Variants in KIF20A observed in about 807,000 individuals in gnomAD.
KIF20A encodes the protein kinesin family member 20A.
Under a neutral mutation model 113.0 loss-of-function variants are expected in KIF20A, and 66 were observed. That is an observed-to-expected ratio of 0.58 (90% CI 0.48 to 0.72). The LOEUF (loss-of-function observed/expected upper bound fraction) is 0.72, where lower values mean the gene tolerates loss of function less well. Ranked by LOEUF, KIF20A falls within the 30% of genes least tolerant of loss-of-function variation. The probability of loss-of-function intolerance (pLI) is 0.00; values close to 1 mark genes in which losing one functional copy is unlikely to be tolerated. For synonymous variants in KIF20A, 376 were observed against 402.3 expected, an observed-to-expected ratio of 0.93 and a Z score of 0.78; for missense variants, 927 against 1,077.6, an observed-to-expected ratio of 0.86 and a Z score of 1.96.
rs1178464321 is a variant in KIF20A at position 138,183,560 on chromosome 5, T to A, written c.1118T>A (p.Leu373His). The change falls in exon 9 of 19, where the codon CTC becomes CAC. Residue 373 changes from leucine to histidine, a missense_variant. Leu to His is a moderately conservative substitution (Grantham distance 99, BLOSUM62 -3). Coordinates refer to ENST00000394894, the MANE Select transcript of KIF20A (RefSeq NM_005733.3). The surrounding 1 kb of genome is among the most constrained non-coding windows in gnomAD (Gnocchi z 5.2). ...RKNQSFASTH[L>H]NQNSSRSHSI... ...AACCAGAGCTTTGCCAGCACCCACC[T>A]CAACCAGAACTCCAGCCGCAGGTGA... The A allele has an allele frequency of 6.2e-7, 1 of 1,614,064 alleles. No homozygotes were observed. Among genetic ancestry groups the A allele is most frequent in the Non-Finnish European group, 8.5e-7 (1 of 1,180,000 alleles).
rs1406431203 is a variant in KIF20A, at chr5:138,182,764, C to T, written c.693C>T (p.Gly231=). 1.2e-6 allele frequency: 2 copies of T among 1,613,520 alleles called. No individual in the cohort carries two copies. The highest frequency in any genetic ancestry group is 1.7e-6 in the Non-Finnish European group (2 of 1,180,004). Residue 231 remains glycine, a synonymous_variant, in exon 6 of 19, where the codon GGC becomes GGT. Coordinates refer to ENST00000394894, the MANE Select transcript of KIF20A (RefSeq NM_005733.3). ...AGAAGCTGTCCCTGCTAAATGGAGGCCTCCAAGAGGTAAAGCATTGGTATC... is the reference window on the plus strand; with the variant it reads ...AGAAGCTGTCCCTGCTAAATGGAGGTCTCCAAGAGGTAAAGCATTGGTATC... ...EMKKLSLLNG[G]LQEEELSTSL...
In KIF20A at chr5:138,185,557, G is replaced by T. The variant is rs546375210; in HGVS notation, c.1972G>T (p.Ala658Ser). ...AGAGCTAGAAGCTCTCTTGCAGGAA[G>T]CCAGACAACAGTCAGTGGCCCATCA... ...IEELEALLQE[A>S]RQQSVAHQQS... is the part of the protein sequence containing the mutation. Residue 658 changes from alanine (A) to serine (S), a missense_variant, in exon 16 of 19, where the codon GCC (alanine) becomes TCC (serine). Coordinates refer to ENST00000394894, the MANE Select transcript of KIF20A (RefSeq NM_005733.3). 42 of 1,614,016 alleles carry T rather than the reference G, an allele frequency of 2.6e-5. No homozygotes were observed. In the South Asian group the frequency reaches 4.2e-4, roughly 16 times the overall value.
Position 138,186,543 on chromosome 5 carries a change from G to A in KIF20A, c.2355+112G>A, listed in dbSNP as rs146430092. The A allele has an allele frequency of 8.4e-4, 964 of 1,154,442 alleles. 5 individuals are homozygous for A. In the African/African-American group the frequency reaches 0.013, roughly 15 times the overall value. 71.5% of individuals were successfully genotyped at this position (1,154,442 alleles called of 1,614,324 possible). The stretch of plus-strand genomic sequence containing the variant: ...TAAAGATTTTTAGGCTGAATTTATA[G>A]TGAGAGCAGTATATTTGCAAAATAA... On this transcript the variant is annotated intron_variant, in intron 18 of 18. Transcript: ENST00000394894.
At chr5:138,186,165 AGAGTG>A in intron 17 of KIF20A, 113 bp downstream of exon 17, 1 of 1,477,912 alleles carries the variant, frequency 6.8e-7, no homozygotes, top group South Asian at 1.2e-5. Context: ...ACAGTTCTGG[AGAGTG>A]GCTATTTCAC....
At position 138,182,380 on chromosome 5, in the gene KIF20A, G is replaced by T. The variant is rs1754673546; in HGVS notation, c.433G>T (p.Val145Leu). The T allele has an allele frequency of 6.2e-7, 1 of 1,614,040 alleles. No individual in the cohort carries two copies. The highest frequency in any genetic ancestry group is 1.7e-5 in the Admixed American group (1 of 60,004). The change falls in exon 5 of 19, where the codon GTA becomes TTA. Residue 145 changes from valine (V) to leucine (L), a missense_variant. By Grantham distance (32) the Val-to-Leu change is conservative. Transcript: ENST00000394894. Reference sequence around the variant, plus strand: ...CTTCAACCTAACTGTGAAGGAGATGGTAAAGGATGTACTCAAAGGGCAGAA... The same window carrying T: ...CTTCAACCTAACTGTGAAGGAGATGTTAAAGGATGTACTCAAAGGGCAGAA... ...SFFNLTVKEM[V>L]KDVLKGQNWL...
intron 2 of KIF20A, among the ~76,000 whole-genome samples, chr5:138,180,862 A>G (rs966240365): frequency 3.3e-5 from 5 of 152,068 alleles, no homozygotes; most frequent in African/African-American, 1.2e-4. Flanking sequence ...TTTTTAGTAG[A>G]GATGGGGTTT....
At chr5:138,184,462 C>T (rs1248195062) in intron 12 of KIF20A, 50 bp from the exon 13 acceptor site, 2 of 1,611,214 alleles carry the variant, frequency 1.2e-6, no homozygotes, top group African/African-American at 2.7e-5. Context: ...TCTAAGAAAG[C>T]TCCTAGGGAC....
Position 138,183,764 on chromosome 5 carries a change from TATCC to T in KIF20A, c.1208+11_1208+14del, listed in dbSNP as rs760151940. The T allele has an allele frequency of 1.2e-5, 20 of 1,612,216 alleles. No homozygotes were observed. In the South Asian group the frequency reaches 2.1e-4, roughly 17 times the overall value. On this transcript the variant is annotated intron_variant, in intron 10 of 18. Transcript: ENST00000394894. This position sits in a 1 kb window ranked among gnomAD's most constrained non-coding sequence, Gnocchi z 5.2. Reference sequence around the variant, plus strand: ...AGTCCCCAAGATCAGCGAGTAAGTTTATCCATTTAGAAATTTGGGCTTCTTGGCC... The same window carrying T: ...AGTCCCCAAGATCAGCGAGTAAGTTTATTTAGAAATTTGGGCTTCTTGGCC...
rs781453282 is a variant in KIF20A, at chr5:138,184,087, G to A, written c.1334G>A (p.Arg445His). ...HTLGRCIAAL[R>H]QNQQNRSKQN... ...CTGGGCCGCTGTATTGCTGCCCTTC[G>A]TCAAAACCAGCAGAACCGGTGAGCT... The change falls in exon 11 of 19, where the codon CGT becomes CAT. Residue 445 changes from arginine (R) to histidine (H), a missense_variant. By Grantham distance (29) the Arg-to-His change is conservative. Coordinates refer to ENST00000394894, the MANE Select transcript of KIF20A (RefSeq NM_005733.3). 9.9e-6 allele frequency: 16 copies of A among 1,614,120 alleles called. No individual in the cohort carries two copies. The highest frequency in any genetic ancestry group is 1.3e-5 in the African/African-American group (1 of 75,018).
Position 138,183,448 on chromosome 5 carries a change from C to T in KIF20A, c.1028-22C>T. On this transcript the variant is annotated intron_variant, in intron 8 of 18. Transcript: ENST00000394894. This position sits in a 1 kb window ranked among gnomAD's most constrained non-coding sequence, Gnocchi z 5.2. ...AAAAGAGTTGGATGTTCCCATCTTACACCCCTCTCCTTTGGCCCCAGATCT... is the reference window on the plus strand; with the variant it reads ...AAAAGAGTTGGATGTTCCCATCTTATACCCCTCTCCTTTGGCCCCAGATCT... The T allele has an allele frequency of 6.2e-7, 1 of 1,611,592 alleles. No homozygotes were observed. The highest frequency in any genetic ancestry group is 8.5e-7 in the Non-Finnish European group (1 of 1,177,732).
chr5:138,185,239 C>A (rs1269951565), intron 15 of KIF20A, 42 bp downstream of exon 15: 1 of 1,311,446 alleles, frequency 7.6e-7, no homozygotes, highest in Non-Finnish European at 1.1e-6. Flanking sequence ...GCTCAGATTT[C>A]CATCACTAGC....
At position 138,183,593 on chromosome 5, in the gene KIF20A, G is replaced by T. The variant is rs774886028; in HGVS notation, c.1139+12G>T. 2.5e-6 allele frequency: 4 copies of T among 1,611,816 alleles called. No homozygotes were observed. The highest frequency in any genetic ancestry group is 2.2e-5 in the East Asian group (1 of 44,876). ...AACTCCAGCCGCAGGTGAGTAGATT[G>T]TAAGAATAAACTCTTCACTGTGTTC... On this transcript the variant is annotated intron_variant, in intron 9 of 18. Transcript: ENST00000394894. The surrounding 1 kb of genome is among the most constrained non-coding windows in gnomAD (Gnocchi z 5.2).
Position 138,181,444 on chromosome 5 carries a change from AG to A in KIF20A, c.189del (p.Lys64ArgfsTer2). 1.2e-6 allele frequency: 2 copies of A among 1,614,214 alleles called. No individual in the cohort carries two copies. Among genetic ancestry groups the A allele is most frequent in the Non-Finnish European group, 1.7e-6 (2 of 1,180,018 alleles). ...CAGGTTCCATCTGAGGACAGTATGGAGAAGGTGAAAGTATACTTGAGGGTTA... is the reference window on the plus strand; with the variant it reads ...CAGGTTCCATCTGAGGACAGTATGGAAAGGTGAAAGTATACTTGAGGGTTA... ...KQQVPSEDSMEKVKVYLRVRP... is the reference protein window; with the variant it reads ...KQQVPSEDSMXKVKVYLRVRP... On this transcript the variant is annotated frameshift_variant, in exon 3 of 19. Transcript: ENST00000394894. LOFTEE classifies it high-confidence loss of function.
At position 138,185,596 on chromosome 5, in the gene KIF20A, G is replaced by T. The variant is rs1754731160; in HGVS notation, c.2011G>T (p.Glu671Ter). The stretch of plus-strand genomic sequence containing the variant: ...AGTGGCCCATCAGCAATCAGGGTCT[G>T]AATTGGCCCTACGGCGGTCACAAAG... The part of the protein sequence containing the change: ...QSVAHQQSGS[E>*]LALRRSQRLA... The change falls in exon 16 of 19, where the codon GAA becomes TAA. Residue 671 changes from glutamate to a stop codon, truncating the protein, a stop_gained. Coordinates refer to ENST00000394894, the MANE Select transcript of KIF20A (RefSeq NM_005733.3). LOFTEE classifies it high-confidence loss of function. 1.9e-6 allele frequency: 3 copies of T among 1,614,216 alleles called. No homozygotes were observed. Among genetic ancestry groups the T allele is most frequent in the Middle Eastern group, 1.7e-4 (1 of 6,034 alleles).
Position 138,183,975 on chromosome 5 carries a change from G to C in KIF20A, c.1222G>C (p.Asp408His). 1 of 1,614,166 alleles carries C rather than the reference G, an allele frequency of 6.2e-7. No individual in the cohort carries two copies. Among genetic ancestry groups the C allele is most frequent in the Non-Finnish European group, 8.5e-7 (1 of 1,180,032 alleles). Residue 408 changes from aspartate (D) to histidine (H), a missense_variant, in exon 11 of 19, where the codon GAT becomes CAT. Transcript: ENST00000394894. The surrounding 1 kb of genome is among the most constrained non-coding windows in gnomAD (Gnocchi z 5.2). ...GCATCATTCTAGGCTGTCACTCTGT[G>C]ATCTGGCTGGCTCAGAGCGCTGCAA... ...VPKISELSLC[D>H]LAGSERCKDQ...
rs1371941442 is a variant in KIF20A, at chr5:138,183,304, A to G, written c.968A>G (p.Gln323Arg). The G allele has an allele frequency of 6.2e-7, 1 of 1,614,244 alleles. No individual in the cohort carries two copies. The change falls in exon 8 of 19, where the codon CAG becomes CGG. Residue 323 changes from glutamine to arginine, a missense_variant. Physicochemically the swap from Gln to Arg is conservative, Grantham distance 43. Transcript: ENST00000394894. This position sits in a 1 kb window ranked among gnomAD's most constrained non-coding sequence, Gnocchi z 5.2. ...LYDLLEPPSQQRKRQTLRLCE... is the reference protein window; with the variant it reads ...LYDLLEPPSQRRKRQTLRLCE... Reference sequence around the variant, plus strand: ...GACCTATTAGAACCGCCTAGCCAACAGCGCAAGAGGCAGACTTTGCGGCTA... The same window carrying G: ...GACCTATTAGAACCGCCTAGCCAACGGCGCAAGAGGCAGACTTTGCGGCTA...
intron 16 of KIF20A, 106 bp from the exon 17 acceptor site, chr5:138,185,855 C>A: frequency 7.7e-7 from 1 of 1,304,080 alleles, no homozygotes; most frequent in Non-Finnish European, 1.1e-6. Context: ...ATACACATAG[C>A]CTCACTTTTT....
At position 138,187,402 on chromosome 5, in the gene KIF20A, A is replaced by C; in HGVS notation, c.2662A>C (p.Lys888Gln). The change falls in exon 19 of 19, where the codon AAA becomes CAA. Residue 888 changes from lysine (K) to glutamine (Q), a missense_variant. By Grantham distance (53) the Lys-to-Gln change is moderately conservative. Coordinates refer to ENST00000394894, the MANE Select transcript of KIF20A (RefSeq NM_005733.3). ...TTTACTCAAATCTGGGCCTTTTGGC[A>C]AAAAGTACTAAGGCTGTGGGGAAAG... ...SPLLKSGPFG[K>Q]KY 6.2e-7 allele frequency: 1 copy of C among 1,613,096 alleles called. No individual in the cohort carries two copies. Among genetic ancestry groups the C allele is most frequent in the East Asian group, 2.2e-5 (1 of 44,876 alleles).
chr5:138,180,607 T>C (rs922259150), intron 2 of KIF20A, among the ~76,000 whole-genome samples: 1 of 152,224 alleles, frequency 6.6e-6, no homozygotes, highest in Non-Finnish European at 1.5e-5. Flanking sequence ...TCTCTCACTA[T>C]GGACTATCAG....
Sources: gnomAD v4.1 joint callset for allele counts (sites outside exome capture counted in the v4.1 genomes callset) on GRCh38, gnomAD v4.1.1 for gene constraint, Gnocchi (gnomAD v3.1) non-coding constraint, MANE v1.5 for transcripts, NCBI Gene and HGNC (gene_info 2026-07-23, HGNC 2026-07-21) for gene names.